The following TOX3 variants were observed in gnomAD, a reference collection of about 807,000 sequenced individuals.
TOX3 encodes TOX high mobility group box family member 3, also known as CAG trinucleotide repeat-containing gene F9 protein.
Under a neutral mutation model 64.3 loss-of-function variants are expected in TOX3, and 22 were observed. The ratio of observed to expected loss-of-function variants is 0.34; its 90% confidence interval spans 0.24 to 0.49. The LOEUF (loss-of-function observed/expected upper bound fraction) is 0.49. Ranked by LOEUF, TOX3 falls within the 20% of genes least tolerant of loss-of-function variation. The probability of loss-of-function intolerance (pLI) is 0.99; values close to 1 mark genes in which losing one functional copy is unlikely to be tolerated. For missense variants in TOX3, 661 were observed against 714.4 expected, an observed-to-expected ratio of 0.93 and a Z score of 0.85; for synonymous variants, 291 against 273.6, an observed-to-expected ratio of 1.06 and a Z score of -0.63.
At chr16:52,468,970 G>A (rs1960950065) in intron 1 of TOX3, among the ~76,000 whole-genome samples, 1 of 152,186 alleles carries the variant, frequency 6.6e-6, no homozygotes, top group Non-Finnish European at 1.5e-5. Context: ...TTCAAGAACA[G>A]ATGTCACAAG....
At chr16:52,522,963 G>A (rs985315380) in intron 1 of TOX3, among the ~76,000 whole-genome samples, 2 of 152,190 alleles carry the variant, frequency 1.3e-5, no homozygotes, top group South Asian at 2.1e-4. Flanking sequence ...ATGAAGCAAC[G>A]AACAAAAGAG....
At chr16:52,513,689 T>A (rs1962371420) in intron 1 of TOX3, among the ~76,000 whole-genome samples, 1 of 152,148 alleles carries the variant, frequency 6.6e-6, no homozygotes, top group African/African-American at 2.4e-5. Context: ...GACTTACAAT[T>A]GAGATAGGCC....
chr16:52,443,282 A>C (rs139056953), intron 6 of TOX3, among the ~76,000 whole-genome samples: 72 of 152,290 alleles, frequency 4.7e-4, no homozygotes, highest in African/African-American at 1.6e-3. Context: ...GAGTCTGAGA[A>C]AGAGGTTTTG....
rs140140126 is a variant in TOX3, at chr16:52,500,180, C to G, written c.88-31606G>C. ...TTAATGTTTAGTCTGTAAAGGAAGT[C>G]ACATCGCATCAAATGTTACTCTATA... is the stretch of plus-strand genomic sequence containing the variant. On this transcript the variant is annotated intron_variant, in intron 1 of 6. Transcript: ENST00000219746. 4.5e-3 allele frequency among the ~76,000 whole-genome samples: 690 copies of G among 152,304 alleles called. 3 individuals carry two copies. Among genetic ancestry groups the G allele is most frequent in the South Asian group, 0.013 (62 of 4,826 alleles).
chr16:52,502,312 C>G (rs1033740424), intron 1 of TOX3, among the ~76,000 whole-genome samples: 1 of 152,126 alleles, frequency 6.6e-6, no homozygotes, highest in Non-Finnish European at 1.5e-5. Context: ...GTTTAGTTTC[C>G]ATTTCTAAAA....
intron 1 of TOX3, among the ~76,000 whole-genome samples, chr16:52,515,011 C>CAAAAAAAA (rs56746564): frequency 6.3e-5 from 1 of 15,842 alleles, no homozygotes; most frequent in African/African-American, 1.8e-4. Flanking sequence ...GACTCCATCT[C>CAAAAAAAA]AAAAAAAAAA....
chr16:52,541,312 T>C (rs1314711782), intron 1 of TOX3, among the ~76,000 whole-genome samples: 1 of 152,216 alleles, frequency 6.6e-6, no homozygotes, highest in Non-Finnish European at 1.5e-5. Flanking sequence ...CCTTTCCGGG[T>C]TTGAGCATCA....
chr16:52,439,576 C>CTGCATCTGT lies in TOX3; in HGVS notation c.1371_1379dup (p.Met459_Gln461dup). ...TTTGGTGCTGCTGGAGTTGCTGCTG[C>CTGCATCTGT]TGCATCTGTTGCATCTGTTGTTGTT... On this transcript the variant is annotated inframe_insertion, in exon 7 of 7. Transcript: ENST00000219746. The CTGCATCTGT allele has an allele frequency of 1.3e-6, 2 of 1,572,300 alleles. No homozygotes were observed. The highest frequency in any genetic ancestry group is 1.1e-5 in the South Asian group (1 of 88,328).
chr16:52,504,800 G>C (rs1167663216), intron 1 of TOX3, among the ~76,000 whole-genome samples: 1 of 151,154 alleles, frequency 6.6e-6, no homozygotes, highest in Non-Finnish European at 1.5e-5. Flanking sequence ...GCAGTCACTG[G>C]AGATATATTT....
intron 4 of TOX3, among the ~76,000 whole-genome samples, chr16:52,447,686 T>C (rs1960202820): frequency 6.6e-6 from 1 of 152,218 alleles, no homozygotes; most frequent in African/African-American, 2.4e-5. Context: ...ATAGTCTTTT[T>C]TCTAAATTTT....
intron 1 of TOX3, among the ~76,000 whole-genome samples, chr16:52,480,505 G>A (rs532280018): frequency 6.6e-6 from 1 of 152,066 alleles, no homozygotes; most frequent in Non-Finnish European, 1.5e-5. Context: ...ATCACTTCTT[G>A]CACAACCATA....
rs1378438040 is a variant in TOX3, at chr16:52,436,745, A to G, written c.*2480T>C. On this transcript the variant is annotated 3_prime_UTR_variant, in exon 7 of 7. Transcript: ENST00000219746. ...TCAAATGTGATAAAACCCAAGATTT[A>G]TAAAATCATTTAATAGATGTTACAA... 6.6e-6 allele frequency: 1 copy of G among 152,196 alleles called. No individual in the cohort carries two copies. Among genetic ancestry groups the G allele is most frequent in the Non-Finnish European group, 1.5e-5 (1 of 68,022 alleles). The allele number at this position is 152,196 out of a possible 1,614,324, so 9.4% of individuals were successfully genotyped here. A position where few individuals can be genotyped will look rare whatever the true frequency, so the allele number is the denominator to read the frequency against.
intron 1 of TOX3, among the ~76,000 whole-genome samples, chr16:52,492,178 G>A (rs1201870873): frequency 6.7e-6 from 1 of 148,542 alleles, no homozygotes; most frequent in African/African-American, 2.5e-5. Context: ...TTTTAATAGT[G>A]CTGTGTTATT....
Position 52,490,328 on chromosome 16 carries a change from T to C in TOX3, c.88-21754A>G, listed in dbSNP as rs994953154. Reference sequence around the variant, plus strand: ...CCAGTCATGCTTCCTGTTAAGCCTGTGGAACTGTGAGTCAATTAAACCTCT... The same window carrying C: ...CCAGTCATGCTTCCTGTTAAGCCTGCGGAACTGTGAGTCAATTAAACCTCT... On this transcript the variant is annotated intron_variant, in intron 1 of 6. Transcript: ENST00000219746. Among the ~76,000 whole-genome samples, 3 of 152,192 alleles carry C rather than the reference T, an allele frequency of 2.0e-5. No individual in the cohort carries two copies. The South Asian group carries it at 6.2e-4, about 32-fold the overall frequency.
intron 5 of TOX3, 86 bp downstream of exon 5, chr16:52,445,908 G>C: frequency 8.0e-7 from 1 of 1,245,602 alleles, no homozygotes; most frequent in Non-Finnish European, 1.1e-6. Flanking sequence ...CATATTAAGT[G>C]AACACATGCA....
rs1290386719 is a variant in TOX3 at position 52,504,362 on chromosome 16, G to A, written c.88-35788C>T. On this transcript the variant is annotated intron_variant, in intron 1 of 6. Transcript: ENST00000219746. Reference sequence around the variant, plus strand: ...GGCACCTGTCGTTCCAGCTACTCAGGAGGCTGAGGCAGGAGAATGGCGTGA... The same window carrying A: ...GGCACCTGTCGTTCCAGCTACTCAGAAGGCTGAGGCAGGAGAATGGCGTGA... Among the ~76,000 whole-genome samples the A allele has an allele frequency of 3.9e-5, 6 of 151,940 alleles. No individual in the cohort carries two copies. In the East Asian group the frequency reaches 1.2e-3, roughly 30 times the overall value.
chr16:52,490,398 G>T (rs1048287945), intron 1 of TOX3, among the ~76,000 whole-genome samples: 1 of 152,062 alleles, frequency 6.6e-6, no homozygotes, highest in Non-Finnish European at 1.5e-5. Flanking sequence ...TTATAGCAGT[G>T]TGAGAATGGA....
chr16:52,449,870 T>C (rs74500439), intron 4 of TOX3, among the ~76,000 whole-genome samples: 3,656 of 152,342 alleles, frequency 0.024, 132 homozygotes, highest in African/African-American at 0.083. Flanking sequence ...GGCTGTCAAA[T>C]GTGGCAGCAG....
At chr16:52,521,238 A>G (rs567140591) in intron 1 of TOX3, among the ~76,000 whole-genome samples, 68 of 152,334 alleles carry the variant, frequency 4.5e-4, no homozygotes, top group Non-Finnish European at 4.1e-4. Flanking sequence ...GAAAATGGAA[A>G]TGCTTTCTAT....
Sources: gnomAD v4.1 joint callset for allele counts (sites outside exome capture counted in the v4.1 genomes callset) on GRCh38, gnomAD v4.1.1 for gene constraint, MANE v1.5 for transcripts, NCBI Gene and HGNC (gene_info 2026-07-23, HGNC 2026-07-21) for gene names.